Variants in HMCN1 observed in about 807,000 individuals in gnomAD.
The protein encoded by HMCN1 is hemicentin 1, also known as hemicentin-1.
HMCN1 carries 321 observed loss-of-function variants against 625.9 expected under a neutral mutation model. That is an observed-to-expected ratio of 0.51 (90% CI 0.47 to 0.56). The LOEUF (loss-of-function observed/expected upper bound fraction) is 0.56, where lower values mean the gene tolerates loss of function less well. HMCN1 is among the 20% of genes least tolerant of loss of function. The pLI is 0.00. For missense variants in HMCN1, 6,588 were observed against 6,887.3 expected (o/e 0.96, Z 1.54); for synonymous variants, 2,425 against 2,417.6 (o/e 1.00, Z -0.09).
At chr1:185,891,710 G>T (rs1665098182) in intron 4 of HMCN1, among the ~76,000 whole-genome samples, 1 of 148,092 alleles carries the variant, frequency 6.8e-6, no homozygotes, top group African/African-American at 2.7e-5. Context: ...CCCTTTGAGG[G>T]TAACCCGACC....
intron 4 of HMCN1, among the ~76,000 whole-genome samples, chr1:185,895,909 A>T (rs1665459298): frequency 6.6e-6 from 1 of 151,810 alleles, no homozygotes; most frequent in South Asian, 2.1e-4. Context: ...CCTAACTCCA[A>T]CCTTAAATAT....
intron 1 of HMCN1, among the ~76,000 whole-genome samples, chr1:185,792,890 T>C (rs1259025578): frequency 1.3e-5 from 2 of 152,240 alleles, no homozygotes; most frequent in Admixed American, 1.3e-4. Context: ...TGATTATTAA[T>C]ATATTGTTTT....
chr1:185,912,101 C>T (rs963775302), intron 6 of HMCN1, among the ~76,000 whole-genome samples: 4 of 152,124 alleles, frequency 2.6e-5, no homozygotes. Context: ...CACAGAATAA[C>T]GGTTAGAGCC....
At chr1:185,876,979 G>C (rs1257790392) in intron 4 of HMCN1, among the ~76,000 whole-genome samples, 1 of 151,882 alleles carries the variant, frequency 6.6e-6, no homozygotes, top group Non-Finnish European at 1.5e-5. Context: ...TAAATTCTTT[G>C]CCTAGATCAA....
intron 64 of HMCN1, among the ~76,000 whole-genome samples, chr1:186,091,633 C>T (rs1365239102): frequency 6.6e-6 from 1 of 152,036 alleles, no homozygotes; most frequent in African/African-American, 2.4e-5. Context: ...CCTTGTACTA[C>T]TTTCAACAAC....
At chr1:185,950,244 C>A (rs1453382168) in intron 11 of HMCN1, among the ~76,000 whole-genome samples, 1 of 151,076 alleles carries the variant, frequency 6.6e-6, no homozygotes, top group African/African-American at 2.5e-5. Context: ...GCTGAAGGAG[C>A]CGGGAAGCAG....
At chr1:185,954,737 C>G (rs779121354) in intron 11 of HMCN1, among the ~76,000 whole-genome samples, 1 of 152,132 alleles carries the variant, frequency 6.6e-6, no homozygotes. Context: ...AGTCAGGGCA[C>G]TTAGGATCTC....
At chr1:185,852,855 G>A (rs573804189) in intron 2 of HMCN1, among the ~76,000 whole-genome samples, 96 of 152,080 alleles carry the variant, frequency 6.3e-4, no homozygotes, top group Non-Finnish European at 9.9e-4. Context: ...CTTGCAAAAG[G>A]TTTTGCAAGT....
At position 186,171,556 on chromosome 1, in the gene HMCN1, C is replaced by T. The variant is rs943960219; in HGVS notation, c.15688+106C>T. ...TCTTGGTACTGGTTCCTATATAGGACATCAAGCATGCAGCATGTATGCAAT... is the reference window on the plus strand; with the variant it reads ...TCTTGGTACTGGTTCCTATATAGGATATCAAGCATGCAGCATGTATGCAAT... On this transcript the variant is annotated intron_variant, in intron 101 of 106. Coordinates refer to ENST00000271588, the MANE Select transcript of HMCN1 (RefSeq NM_031935.3). The T allele has an allele frequency of 1.5e-5, 13 of 887,042 alleles. No individual in the cohort carries two copies. The African/African-American group carries it at 1.8e-4, about 12-fold the overall frequency. 54.9% of individuals were successfully genotyped at this position (887,042 alleles called of 1,614,324 possible).
intron 55 of HMCN1, among the ~76,000 whole-genome samples, chr1:186,080,535 T>G (rs1659104301): frequency 6.6e-6 from 1 of 152,194 alleles, no homozygotes; most frequent in Non-Finnish European, 1.5e-5. Context: ...TGAACACATG[T>G]AGAAAAATCT....
At chr1:186,016,536 C>T (rs1043831068) in intron 32 of HMCN1, among the ~76,000 whole-genome samples, 1 of 152,036 alleles carries the variant, frequency 6.6e-6, no homozygotes, top group African/African-American at 2.4e-5. Context: ...GGTCTTTTGT[C>T]ATAAGCATTG....
intron 1 of HMCN1, among the ~76,000 whole-genome samples, chr1:185,811,383 G>T (rs912521963): frequency 3.3e-5 from 5 of 152,064 alleles, no homozygotes; most frequent in East Asian, 1.9e-4. Flanking sequence ...TCTCATAAAA[G>T]TGTGAGGACT....
chr1:185,975,419 C>A (rs576474485), intron 15 of HMCN1, among the ~76,000 whole-genome samples: 5 of 152,098 alleles, frequency 3.3e-5, no homozygotes, highest in Non-Finnish European at 2.9e-5. Flanking sequence ...AGGAAGAGAG[C>A]AAAGGGGGAG....
At chr1:186,040,420 A>C (rs900277292) in intron 39 of HMCN1, among the ~76,000 whole-genome samples, 2 of 152,192 alleles carry the variant, frequency 1.3e-5, no homozygotes, top group African/African-American at 4.8e-5. Context: ...AAATGCGTAT[A>C]TACCTAATAT....
intron 1 of HMCN1, among the ~76,000 whole-genome samples, chr1:185,770,056 A>G (rs547209075): frequency 1.3e-5 from 2 of 152,294 alleles, no homozygotes; most frequent in African/African-American, 4.8e-5. Flanking sequence ...GAGGGTATGC[A>G]TATAGACAGT....
chr1:185,925,400 A>G (rs1210179722), intron 9 of HMCN1, among the ~76,000 whole-genome samples: 1 of 152,232 alleles, frequency 6.6e-6, no homozygotes, highest in Non-Finnish European at 1.5e-5. Flanking sequence ...ATATAATAAT[A>G]TAATAAATGC....
chr1:186,110,977 C>CTT lies in HMCN1; in HGVS notation c.10990-1815_10990-1814dup, dbSNP rs557887846. 4.6e-3 allele frequency among the ~76,000 whole-genome samples: 284 copies of CTT among 61,620 alleles called. 62 individuals carry two copies. Among genetic ancestry groups the CTT allele is most frequent in the African/African-American group, 0.017 (175 of 10,186 alleles). 40.4% of individuals were successfully genotyped at this position (61,620 alleles called of 152,430 possible). On this transcript the variant is annotated intron_variant, in intron 71 of 106. Transcript: ENST00000271588. ...TACGGAAGAAAAACCAGAGAAAATT[C>CTT]TTTTTTTTTTTTTTTTTTTTTGAGA... is the stretch of plus-strand genomic sequence containing the variant.
At chr1:186,064,809 C>CAAA (rs541377417) in intron 48 of HMCN1, among the ~76,000 whole-genome samples, 15 of 95,456 alleles carry the variant, frequency 1.6e-4, no homozygotes, top group Middle Eastern at 6.9e-3. Flanking sequence ...GACTTCATCT[C>CAAA]AAAAAAAAAA....
At chr1:185,767,521 G>T (rs938115150) in intron 1 of HMCN1, among the ~76,000 whole-genome samples, 1 of 152,152 alleles carries the variant, frequency 6.6e-6, no homozygotes, top group Non-Finnish European at 1.5e-5. Flanking sequence ...GGTTCCACTA[G>T]CATGCAGCTG....
Sources: allele counts gnomAD v4.1 joint callset (sites outside exome capture counted in the v4.1 genomes callset), GRCh38; gene constraint gnomAD v4.1.1; transcripts MANE v1.5; gene names NCBI Gene and HGNC (gene_info 2026-07-23, HGNC 2026-07-21).